The following ATG7 variants were observed in gnomAD, a reference collection of about 807,000 sequenced individuals.
ATG7 encodes autophagy related 7, also known as ubiquitin-like modifier-activating enzyme ATG7.
A neutral mutation model predicts 82.4 loss-of-function variants in ATG7; 70 were observed. The ratio of observed to expected loss-of-function variants is 0.85; its 90% confidence interval spans 0.70 to 1.04. The LOEUF is 1.04. ATG7 is among the 50% of genes least tolerant of loss of function. The probability of loss-of-function intolerance (pLI) is 0.00; values close to 1 mark genes in which losing one functional copy is unlikely to be tolerated. For missense variants in ATG7, 792 were observed against 864.3 expected (o/e 0.92, Z 1.05); for synonymous variants, 287 against 313.0 (o/e 0.92, Z 0.88).
chr3:11,442,739 C>CCAAAAAAAA (rs1553668928), intron 20 of ATG7, among the ~76,000 whole-genome samples: 837 of 69,236 alleles, frequency 0.012, 203 homozygotes, highest in East Asian at 0.035. Flanking sequence ...TCCATCTCTA[C>CCAAAAAAAA]AAAAAAAAAA....
At chr3:11,519,035 A>C (rs1024170434) in intron 20 of ATG7, among the ~76,000 whole-genome samples, 1 of 152,134 alleles carries the variant, frequency 6.6e-6, no homozygotes, top group Non-Finnish European at 1.5e-5. Flanking sequence ...TTTTTCATTG[A>C]TCTTCAAACA....
At chr3:11,405,923 C>A (rs77827216) in intron 19 of ATG7, among the ~76,000 whole-genome samples, 1 of 151,984 alleles carries the variant, frequency 6.6e-6, no homozygotes, top group Admixed American at 6.6e-5. Flanking sequence ...CCCACTGCAC[C>A]TGGCCATGTG....
chr3:11,358,352 G>T (rs1463387960), intron 14 of ATG7, 66 bp from the exon 15 acceptor site: 1 of 1,491,136 alleles, frequency 6.7e-7, no homozygotes, highest in Non-Finnish European at 9.1e-7. Context: ...GCTGTGGGAA[G>T]TGTGGGCTCT....
intron 20 of ATG7, among the ~76,000 whole-genome samples, chr3:11,438,233 G>A (rs1441621029): frequency 1.3e-5 from 2 of 152,156 alleles, no homozygotes; most frequent in African/African-American, 2.4e-5. Flanking sequence ...AAGCAGCCCT[G>A]AGAGCCAACC....
intron 20 of ATG7, among the ~76,000 whole-genome samples, chr3:11,495,713 TC>T (rs1684784845): frequency 6.6e-6 from 1 of 152,246 alleles, no homozygotes; most frequent in Admixed American, 6.5e-5. Flanking sequence ...CTGATGGCCA[TC>T]ATTCTAACAG....
chr3:11,507,625 T>C lies in ATG7; in HGVS notation c.2080-47186T>C, dbSNP rs562974847. Among the ~76,000 whole-genome samples, 70 of 152,314 alleles carry C rather than the reference T, an allele frequency of 4.6e-4. 1 individual carries two copies. The highest frequency in any genetic ancestry group is 1.7e-3 in the African/African-American group (69 of 41,578). ...ATAAGTGAAGGAAATGCTAAAGTTA[T>C]GGGTGTTTTTTGTTTTTGTTTTTGT... is the stretch of plus-strand genomic sequence containing the variant. On this transcript the variant is annotated intron_variant, in intron 20 of 20. Transcript: ENST00000693202.
chr3:11,531,697 C>CGT, intron 20 of ATG7, among the ~76,000 whole-genome samples: 1 of 151,860 alleles, frequency 6.6e-6, no homozygotes, highest in Non-Finnish European at 1.5e-5. Flanking sequence ...CATGGCAAAA[C>CGT]CCTGTCTTTG....
intron 9 of ATG7, among the ~76,000 whole-genome samples, chr3:11,318,822 C>T (rs1024683172): frequency 1.3e-5 from 2 of 152,186 alleles, no homozygotes; most frequent in African/African-American, 2.4e-5. Flanking sequence ...CTCTGTCTCC[C>T]TTCTGTCACC....
chr3:11,405,990 TTTTGTTTTTG>T (rs2080296467), intron 19 of ATG7, among the ~76,000 whole-genome samples: 1 of 45,520 alleles, frequency 2.2e-5, no homozygotes, highest in Admixed American at 2.7e-4. Flanking sequence ...TTTTTTTTGT[TTTTGTTTTTG>T]TTTTTTGTAG....
intron 19 of ATG7, among the ~76,000 whole-genome samples, chr3:11,417,800 A>ATTTTTTTTTTTTTTTTTTT (rs1314378737): frequency 2.8e-4 from 31 of 109,342 alleles, no homozygotes; most frequent in Non-Finnish European, 5.1e-4. Context: ...TATTATTATT[A>ATTTTTTTTTTTTTTTTTTT]TTTTATTTTA....
chr3:11,561,985 C>T (rs1409070410), downstream of ATG7, among the ~76,000 whole-genome samples: 1 of 151,232 alleles, frequency 6.6e-6, no homozygotes, highest in Non-Finnish European at 1.5e-5. Flanking sequence ...TTGCAAGCTC[C>T]GCCTTCCGGG....
In ATG7 at chr3:11,299,043, A is replaced by T. The variant is rs142127162; in HGVS notation, c.160+188A>T. ...CATTTATTTTCTCTTGTTGTGGGGA[A>T]AAAGAAAGAGAGTAGTGAAACTCAA... On this transcript the variant is annotated intron_variant, in intron 4 of 20. Transcript: ENST00000693202. 1.5e-3 allele frequency: 1,042 copies of T among 692,048 alleles called. 12 individuals are homozygous for T. In the African/African-American group the frequency reaches 0.017, roughly 11 times the overall value. 42.9% of individuals were successfully genotyped at this position (692,048 alleles called of 1,614,324 possible).
At chr3:11,474,546 G>A (rs978037081) in intron 20 of ATG7, among the ~76,000 whole-genome samples, 7 of 152,194 alleles carry the variant, frequency 4.6e-5, no homozygotes, top group African/African-American at 1.7e-4. Flanking sequence ...GTTGCAGTGA[G>A]CCAAGATCAT....
At chr3:11,499,886 G>A (rs1221740210) in intron 20 of ATG7, among the ~76,000 whole-genome samples, 1 of 152,096 alleles carries the variant, frequency 6.6e-6, no homozygotes, top group East Asian at 1.9e-4. Context: ...CCAGTCTTGT[G>A]CATCCCCCAA....
At chr3:11,399,799 C>T (rs539775295) in intron 19 of ATG7, among the ~76,000 whole-genome samples, 1 of 152,310 alleles carries the variant, frequency 6.6e-6, no homozygotes, top group African/African-American at 2.4e-5. Flanking sequence ...GTCTTGAACT[C>T]CTGACCTCAG....
At chr3:11,297,514 G>T (rs1035621346) in intron 3 of ATG7, among the ~76,000 whole-genome samples, 1 of 152,102 alleles carries the variant, frequency 6.6e-6, no homozygotes, top group Admixed American at 6.5e-5. Context: ...TCAAACTGGG[G>T]TATGTTACCC....
At chr3:11,405,659 ACT>A (rs1258618589) in intron 19 of ATG7, among the ~76,000 whole-genome samples, 1 of 151,760 alleles carries the variant, frequency 6.6e-6, no homozygotes, top group East Asian at 1.9e-4. Flanking sequence ...AGGATCTCTC[ACT>A]CTGTCGTCCA....
chr3:11,411,398 G>T (rs1172428787), intron 19 of ATG7, among the ~76,000 whole-genome samples: 8 of 151,964 alleles, frequency 5.3e-5, no homozygotes, highest in African/African-American at 1.9e-4. Context: ...GCCCAAGGTG[G>T]GCGGATCATG....
At chr3:11,550,234 G>A (rs954886807) in intron 20 of ATG7, among the ~76,000 whole-genome samples, 1 of 150,364 alleles carries the variant, frequency 6.7e-6, no homozygotes, top group Non-Finnish European at 1.5e-5. Flanking sequence ...TTTTTTTTCT[G>A]GTTAGTACTT....
Sources: allele counts gnomAD v4.1 joint callset (sites outside exome capture counted in the v4.1 genomes callset), GRCh38; gene constraint gnomAD v4.1.1; transcripts MANE v1.5; gene names NCBI Gene and HGNC (gene_info 2026-07-23, HGNC 2026-07-21).